The following ANKS1A variants were observed in gnomAD, a reference collection of about 807,000 sequenced individuals.
The protein encoded by ANKS1A is ankyrin repeat and sterile alpha motif domain containing 1A, also known as ankyrin repeat and SAM domain-containing protein 1A.
Under a neutral mutation model 120.3 loss-of-function variants are expected in ANKS1A, and 55 were observed. That is an observed-to-expected ratio of 0.46 (90% CI 0.37 to 0.57). The LOEUF (loss-of-function observed/expected upper bound fraction) is 0.57, where lower values mean the gene tolerates loss of function less well. Among genes scored for constraint, ANKS1A ranks in the 20% least tolerant of loss-of-function variants. The probability of loss-of-function intolerance (pLI) is 0.00; values close to 1 mark genes in which losing one functional copy is unlikely to be tolerated. For missense variants in ANKS1A, 1,123 were observed against 1,480.3 expected (o/e 0.76, Z 3.96); for synonymous variants, 590 against 604.7 (o/e 0.98, Z 0.36).
At chr6:35,076,900 G>T (rs1213263944) in intron 13 of ANKS1A, among the ~76,000 whole-genome samples, 1 of 152,150 alleles carries the variant, frequency 6.6e-6, no homozygotes, top group Non-Finnish European at 1.5e-5. Context: ...AAAGTGCTGG[G>T]ATTACAGGGG....
intron 11 of ANKS1A, among the ~76,000 whole-genome samples, chr6:35,032,906 C>A (rs186656994): frequency 6.6e-6 from 1 of 152,146 alleles, no homozygotes; most frequent in African/African-American, 2.4e-5. Context: ...TAAATTAATC[C>A]TCCCTCACCC....
At chr6:34,897,485 G>A (rs990222414) in intron 1 of ANKS1A, among the ~76,000 whole-genome samples, 2 of 152,216 alleles carry the variant, frequency 1.3e-5, no homozygotes, top group African/African-American at 4.8e-5. Flanking sequence ...AACCCCAGAA[G>A]TAGACAGTGG....
At chr6:35,018,770 ATGC>A (rs1200440942) in intron 11 of ANKS1A, among the ~76,000 whole-genome samples, 1 of 152,102 alleles carries the variant, frequency 6.6e-6, no homozygotes, top group African/African-American at 2.4e-5. Flanking sequence ...AAGGGAGAAC[ATGC>A]TGCACTGTTT....
At chr6:35,010,204 C>A (rs1357730958) in intron 10 of ANKS1A, among the ~76,000 whole-genome samples, 1 of 151,908 alleles carries the variant, frequency 6.6e-6, no homozygotes, top group Non-Finnish European at 1.5e-5. Flanking sequence ...AAGAGTAGAG[C>A]TTATGTTTAG....
intron 11 of ANKS1A, among the ~76,000 whole-genome samples, chr6:35,043,549 A>G (rs1157188920): frequency 6.6e-6 from 1 of 152,192 alleles, no homozygotes; most frequent in Non-Finnish European, 1.5e-5. Flanking sequence ...TATCTTGTTT[A>G]TGAGGCACTG....
Position 34,982,497 on chromosome 6 carries a change from T to G in ANKS1A, c.733-255T>G, listed in dbSNP as rs9394265. The stretch of plus-strand genomic sequence containing the variant: ...CAGGAAGGTGGAGTTCTGAGGCATT[T>G]CACCAGTAGATGGCTCTAAGAGTAA... On this transcript the variant is annotated intron_variant, in intron 4 of 23. Coordinates refer to ENST00000360359, the MANE Select transcript of ANKS1A (RefSeq NM_015245.3). The surrounding 1 kb of genome is among the most constrained non-coding windows in gnomAD (Gnocchi z 4.9). Among the ~76,000 whole-genome samples, 19,106 of 152,216 alleles carry G rather than the reference T, an allele frequency of 0.13. 1,341 individuals are homozygous for G. The highest frequency in any genetic ancestry group is 0.34 in the East Asian group (1,772 of 5,166).
chr6:34,976,734 T>C (rs1236856464), intron 3 of ANKS1A, among the ~76,000 whole-genome samples: 1 of 151,842 alleles, frequency 6.6e-6, no homozygotes, highest in Non-Finnish European at 1.5e-5. Context: ...TACTACAGTG[T>C]TAACATTTTG....
chr6:35,083,135 G>T lies in ANKS1A; in HGVS notation c.2836-20G>T. 1.2e-6 allele frequency: 2 copies of T among 1,613,172 alleles called. No individual in the cohort carries two copies. Among genetic ancestry groups the T allele is most frequent in the Non-Finnish European group, 1.7e-6 (2 of 1,179,334 alleles). On this transcript the variant is annotated intron_variant, in intron 18 of 23. Coordinates refer to ENST00000360359, the MANE Select transcript of ANKS1A (RefSeq NM_015245.3). ...GGAAACGCAGGATTTCCTAAGCCTG[G>T]CCACTGCTCGCCCCCACAGTATCTG...
chr6:35,070,189 C>T (rs1272955911), intron 13 of ANKS1A, among the ~76,000 whole-genome samples: 1 of 152,126 alleles, frequency 6.6e-6, no homozygotes, highest in Non-Finnish European at 1.5e-5. Context: ...TGTGTTTAGA[C>T]TATGACTGGT....
chr6:34,947,475 C>G lies in ANKS1A; in HGVS notation c.198-19764C>G, dbSNP rs1399433147. 2.6e-5 allele frequency among the ~76,000 whole-genome samples: 4 copies of G among 152,068 alleles called. No individual in the cohort carries two copies. In the East Asian group the frequency reaches 7.7e-4, roughly 29 times the overall value. ...ACATAGTAGACTCTCTGTTGCGTCT[C>G]TTGTGCTTCTGAAATAGAATATCTA... is the stretch of plus-strand genomic sequence containing the variant. On this transcript the variant is annotated intron_variant, in intron 1 of 23. Coordinates refer to ENST00000360359, the MANE Select transcript of ANKS1A (RefSeq NM_015245.3).
At chr6:34,962,704 G>T (rs915687115) in intron 1 of ANKS1A, among the ~76,000 whole-genome samples, 6 of 151,640 alleles carry the variant, frequency 4.0e-5, no homozygotes, top group Non-Finnish European at 8.8e-5. Context: ...CAGGAGAATC[G>T]CTTGAACCCG....
intron 11 of ANKS1A, among the ~76,000 whole-genome samples, chr6:35,033,253 C>G (rs1457972053): frequency 6.6e-6 from 1 of 152,170 alleles, no homozygotes; most frequent in African/African-American, 2.4e-5. Flanking sequence ...AGCTCCTGCT[C>G]AGGTAGCTCC....
chr6:34,911,402 C>T (rs1019696092), intron 1 of ANKS1A, among the ~76,000 whole-genome samples: 3 of 152,124 alleles, frequency 2.0e-5, no homozygotes, highest in Non-Finnish European at 2.9e-5. Flanking sequence ...CCTGTTTTTG[C>T]TTTGGCCTGT....
At chr6:34,925,078 T>C (rs564595671) in intron 1 of ANKS1A, among the ~76,000 whole-genome samples, 1 of 152,348 alleles carries the variant, frequency 6.6e-6, no homozygotes, top group African/African-American at 2.4e-5. Context: ...AGTGTTCTTA[T>C]ATTTCTTCCT....
intron 1 of ANKS1A, among the ~76,000 whole-genome samples, chr6:34,901,314 G>A (rs1205620434): frequency 6.6e-6 from 1 of 151,814 alleles, no homozygotes; most frequent in Non-Finnish European, 1.5e-5. Flanking sequence ...ATGTTTTTCA[G>A]ACAGTATTAT....
chr6:35,015,974 G>C (rs980257517), intron 10 of ANKS1A, among the ~76,000 whole-genome samples: 1 of 152,220 alleles, frequency 6.6e-6, no homozygotes, highest in Admixed American at 6.5e-5. Context: ...TGTGTAGACA[G>C]CAACAGGAGA....
rs1366044826 is a variant in ANKS1A at position 35,060,764 on chromosome 6, T to C, written c.2184+511T>C. Among the ~76,000 whole-genome samples the C allele has an allele frequency of 6.6e-6, 1 of 152,066 alleles. No homozygotes were observed. On this transcript the variant is annotated intron_variant, in intron 13 of 23. Transcript: ENST00000360359. The surrounding 1 kb of genome is among the most constrained non-coding windows in gnomAD (Gnocchi z 4.5). The stretch of plus-strand genomic sequence containing the variant: ...AAGGCTGAGTTGATGGCCTGGAGGA[T>C]TGGTTGCTTCTTTGAGAAGCTCTCT...
intron 13 of ANKS1A, among the ~76,000 whole-genome samples, chr6:35,078,214 ACTAGTT>A (rs1369624795): frequency 6.6e-6 from 1 of 152,130 alleles, no homozygotes; most frequent in Non-Finnish European, 1.5e-5. Context: ...GGATGAGTCC[ACTAGTT>A]CTTTATCTTG....
At position 35,085,670 on chromosome 6, in the gene ANKS1A, CTT is replaced by C; in HGVS notation, c.3133-95_3133-94del. On this transcript the variant is annotated intron_variant, in intron 21 of 23. Coordinates refer to ENST00000360359, the MANE Select transcript of ANKS1A (RefSeq NM_015245.3). This position sits in a 1 kb window ranked among gnomAD's most constrained non-coding sequence, Gnocchi z 4.7. The stretch of plus-strand genomic sequence containing the variant: ...GGAGGTAGGAGCGCTCCCGGGTAGA[CTT>C]AGAGGGGGACACATGGTCCCTGCGA... The C allele has an allele frequency of 1.5e-6, 2 of 1,343,862 alleles. No homozygotes were observed. The highest frequency in any genetic ancestry group is 2.7e-5 in the Admixed American group (1 of 36,834). The allele number at this position is 1,343,862 out of a possible 1,614,324, so 83.2% of individuals were successfully genotyped here.
Sources: gnomAD v4.1 joint callset for allele counts (sites outside exome capture counted in the v4.1 genomes callset) on GRCh38, gnomAD v4.1.1 for gene constraint, Gnocchi (gnomAD v3.1) non-coding constraint, MANE v1.5 for transcripts, NCBI Gene and HGNC (gene_info 2026-07-23, HGNC 2026-07-21) for gene names.